PLEKHA5: variants seen among roughly 807,000 people sequenced by gnomAD.
PLEKHA5 encodes pleckstrin homology domain containing A5.
In PLEKHA5, 55 loss-of-function variants were observed where a neutral mutation model predicts 181.9. The observed-to-expected ratio is 0.30, with a 90% CI of 0.24 to 0.38. The LOEUF (loss-of-function observed/expected upper bound fraction) is 0.38. Ranked by LOEUF, PLEKHA5 falls within the 10% of genes least tolerant of loss-of-function variation. The pLI, the probability that PLEKHA5 is intolerant of heterozygous loss-of-function variation, is 1.00. For synonymous variants in PLEKHA5, 535 were observed against 529.4 expected, an observed-to-expected ratio of 1.01 and a Z score of -0.15; for missense variants, 1,432 against 1,549.5, an observed-to-expected ratio of 0.92 and a Z score of 1.27.
intron 20 of PLEKHA5, among the ~76,000 whole-genome samples, chr12:19,333,305 G>A (rs1490658771): frequency 1.3e-5 from 2 of 151,540 alleles, no homozygotes; most frequent in Non-Finnish European, 2.9e-5. Context: ...AAGGCCAGCC[G>A]CGGGTGGCTC....
chr12:19,141,727 G>T (rs915436362), intron 3 of PLEKHA5, among the ~76,000 whole-genome samples: 5 of 152,116 alleles, frequency 3.3e-5, no homozygotes, highest in African/African-American at 1.2e-4. Flanking sequence ...GCTGTCCTGA[G>T]CAAGTGAGTT....
At chr12:19,209,077 A>G (rs2056360406) in intron 3 of PLEKHA5, among the ~76,000 whole-genome samples, 4 of 152,212 alleles carry the variant, frequency 2.6e-5, no homozygotes, top group Admixed American at 2.6e-4. Context: ...GCCTGTATGA[A>G]TGTGTTATAG....
chr12:19,253,952 GA>G lies in PLEKHA5; in HGVS notation c.243del (p.Val82Ter). On this transcript the variant is annotated frameshift_variant, in exon 4 of 32. Coordinates refer to ENST00000429027, the MANE Select transcript of PLEKHA5 (RefSeq NM_001256470.2). LOFTEE classifies it high-confidence loss of function. Reference protein sequence around the residue: ...ARYYINHNERKVTCKHPVTGQ... With the variant: ...ARYYINHNERXVTCKHPVTGQ... ...TTCCTTTTTTCAGCCATAATGAAAG[GA>G]AAGTGACCTGCAAACATCCAGTCAC... The G allele has an allele frequency of 6.3e-7, 1 of 1,599,064 alleles. No homozygotes were observed. The highest frequency in any genetic ancestry group is 8.5e-7 in the Non-Finnish European group (1 of 1,170,656).
intron 20 of PLEKHA5, among the ~76,000 whole-genome samples, chr12:19,324,119 T>C (rs1334932031): frequency 6.6e-6 from 1 of 152,128 alleles, no homozygotes; most frequent in Non-Finnish European, 1.5e-5. Context: ...GCAGCTATCT[T>C]TTAAGAAGGG....
chr12:19,141,002 C>T (rs540597408), intron 3 of PLEKHA5, among the ~76,000 whole-genome samples: 14 of 152,078 alleles, frequency 9.2e-5, no homozygotes, highest in Non-Finnish European at 1.8e-4. Context: ...CATGTTTGGC[C>T]AGGCTGGTTT....
At chr12:19,168,765 G>T (rs2045194299) in intron 3 of PLEKHA5, among the ~76,000 whole-genome samples, 1 of 152,162 alleles carries the variant, frequency 6.6e-6, no homozygotes, top group Non-Finnish European at 1.5e-5. Context: ...TTCCTTCTAA[G>T]AATGTGTTAT....
At position 19,376,362 on chromosome 12, in the gene PLEKHA5, C is replaced by T. The variant is rs908014929; in HGVS notation, c.*843C>T. 1.3e-5 allele frequency: 2 copies of T among 152,446 alleles called. No homozygotes were observed. Among genetic ancestry groups the T allele is most frequent in the African/African-American group, 4.8e-5 (2 of 41,414 alleles). 9.4% of individuals were successfully genotyped at this position (152,446 alleles called of 1,614,324 possible). On this transcript the variant is annotated 3_prime_UTR_variant, in exon 32 of 32. Coordinates refer to ENST00000429027, the MANE Select transcript of PLEKHA5 (RefSeq NM_001256470.2). ...AAATGCAAATGTTCATATCTCATTT[C>T]TTTTTTTATCATGTTAAATAAATGT...
At chr12:19,366,201 C>A in intron 30 of PLEKHA5, 92 bp downstream of exon 30, 1 of 1,040,126 alleles carries the variant, frequency 9.6e-7, no homozygotes, top group Admixed American at 2.3e-5. Context: ...AAGGGAATCG[C>A]TTAAGTACCT....
intron 3 of PLEKHA5, chr12:19,200,298 A>G (rs1164399165): frequency 8.6e-6 from 13 of 1,510,288 alleles, no homozygotes; most frequent in Non-Finnish European, 1.2e-5. Flanking sequence ...ACATTAAAAC[A>G]ATTTTTTTTA....
Position 19,129,977 on chromosome 12 carries a change from GCTC to G in PLEKHA5, c.90-71_90-69del, listed in dbSNP as rs2032910208. ...GACACGGGGGAGAGCCCGGGTCTGT[GCTC>G]CTGCAGCCCCTCGGCTCGCCCCCGC... On this transcript the variant is annotated intron_variant, in intron 1 of 31. Transcript: ENST00000429027. 50 of 1,450,150 alleles carry G rather than the reference GCTC, an allele frequency of 3.4e-5. No individual in the cohort carries two copies. In the South Asian group the frequency reaches 5.9e-4, roughly 17 times the overall value. 89.8% of individuals were successfully genotyped at this position (1,450,150 alleles called of 1,614,324 possible).
chr12:19,264,136 C>T (rs974757022), intron 7 of PLEKHA5, among the ~76,000 whole-genome samples: 12 of 152,072 alleles, frequency 7.9e-5, no homozygotes, highest in African/African-American at 2.9e-4. Context: ...ACTCTCAGTG[C>T]TGTTTTTGAT....
chr12:19,343,206 C>T (rs1437095508), intron 21 of PLEKHA5, 117 bp from the exon 22 acceptor site: 1 of 565,332 alleles, frequency 1.8e-6, no homozygotes, highest in African/African-American at 1.9e-5. Context: ...ATATTCGTAA[C>T]ACTTAATTCA....
chr12:19,298,209 AGAG>A lies in PLEKHA5; in HGVS notation c.2037+6516_2037+6518del, dbSNP rs10602926. 7.1e-3 allele frequency among the ~76,000 whole-genome samples: 1,074 copies of A among 152,214 alleles called. 21 individuals are homozygous for A. The highest frequency in any genetic ancestry group is 0.025 in the African/African-American group (1,022 of 41,538). On this transcript the variant is annotated intron_variant, in intron 15 of 31. Coordinates refer to ENST00000429027, the MANE Select transcript of PLEKHA5 (RefSeq NM_001256470.2). ...GGGAGACACCATCTCCAAAAAAAGA[AGAG>A]GAGTAGGAGGGACAGAGATAAAACT...
At chr12:19,218,719 G>GA (rs2058422890) in intron 3 of PLEKHA5, among the ~76,000 whole-genome samples, 1 of 151,954 alleles carries the variant, frequency 6.6e-6, no homozygotes, top group South Asian at 2.1e-4. Flanking sequence ...TTGTATATCT[G>GA]AAACAGTTGA....
At chr12:19,202,716 T>A (rs1051909561) in intron 3 of PLEKHA5, among the ~76,000 whole-genome samples, 1 of 152,154 alleles carries the variant, frequency 6.6e-6, no homozygotes, top group African/African-American at 2.4e-5. Flanking sequence ...ATAATGATAA[T>A]TGCCGTATAA....
chr12:19,351,163 T>C (rs1451924449), intron 25 of PLEKHA5, among the ~76,000 whole-genome samples: 1 of 151,958 alleles, frequency 6.6e-6, no homozygotes, highest in Non-Finnish European at 1.5e-5. Flanking sequence ...CTCAAACTTC[T>C]AGGCTCAAGC....
chr12:19,359,132 G>T (rs913285203), intron 27 of PLEKHA5, among the ~76,000 whole-genome samples: 1 of 152,120 alleles, frequency 6.6e-6, no homozygotes, highest in African/African-American at 2.4e-5. Flanking sequence ...TCTTTCCACC[G>T]AATCAAGTGC....
At chr12:19,333,879 G>C (rs1185136311) in intron 20 of PLEKHA5, among the ~76,000 whole-genome samples, 1 of 152,072 alleles carries the variant, frequency 6.6e-6, no homozygotes, top group Admixed American at 6.5e-5. Context: ...AGAGTGCTGA[G>C]ATTACAGGCG....
At chr12:19,239,113 T>C (rs796372914) in intron 3 of PLEKHA5, among the ~76,000 whole-genome samples, 6 of 152,286 alleles carry the variant, frequency 3.9e-5, no homozygotes, top group African/African-American at 1.4e-4. Flanking sequence ...GTTGTATATA[T>C]AGGATGCTTA....
Sources: allele counts gnomAD v4.1 joint callset (sites outside exome capture counted in the v4.1 genomes callset), GRCh38; gene constraint gnomAD v4.1.1; transcripts MANE v1.5; gene names NCBI Gene and HGNC (gene_info 2026-07-23, HGNC 2026-07-21).